NMT2: variants seen among roughly 807,000 people sequenced by gnomAD.
NMT2 encodes the protein glycylpeptide N-tetradecanoyltransferase 2.
Under a neutral mutation model 65.4 loss-of-function variants are expected in NMT2, and 35 were observed. That is an observed-to-expected ratio of 0.54 (90% CI 0.41 to 0.71). The LOEUF (loss-of-function observed/expected upper bound fraction) is 0.71. NMT2 is among the 30% of genes least tolerant of loss of function. NMT2 has a pLI of 0.00. For missense variants in NMT2, 489 were observed against 611.3 expected, an observed-to-expected ratio of 0.80 and a Z score of 2.11; for synonymous variants, 226 against 231.8, an observed-to-expected ratio of 0.98 and a Z score of 0.23.
rs1163470436 is a variant in NMT2 at position 15,106,012 on chromosome 10, C to T, written c.*3183G>A. On this transcript the variant is annotated 3_prime_UTR_variant, in exon 12 of 12. Transcript: ENST00000378165. ...ATGCTGCAGTTATTTATTTTACTTT[C>T]GAGATAGAGTCTCACTCTGTTGCCC... 20 of 417,528 alleles carry T rather than the reference C, an allele frequency of 4.8e-5. No homozygotes were observed. The highest frequency in any genetic ancestry group is 5.7e-5 in the Non-Finnish European group (12 of 212,334). The allele number at this position is 417,528 out of a possible 1,614,324, so 25.9% of individuals were successfully genotyped here. A position where few individuals can be genotyped will look rare whatever the true frequency, so the allele number is the denominator to read the frequency against.
chr10:15,130,351 A>G (rs1846235787), intron 6 of NMT2, 39 bp from the exon 7 acceptor site: 1 of 1,430,178 alleles, frequency 7.0e-7, no homozygotes, highest in Admixed American at 2.3e-5. Context: ...AGTCAAAACG[A>G]GATTCAAAAT....
intron 1 of NMT2, among the ~76,000 whole-genome samples, chr10:15,152,016 ACT>A (rs1832822882): frequency 6.6e-6 from 1 of 152,218 alleles, no homozygotes; most frequent in Admixed American, 6.5e-5. Context: ...ACAGAGTAAA[ACT>A]CTGTCTCAAA....
At chr10:15,119,766 G>T (rs533479282) in intron 8 of NMT2, among the ~76,000 whole-genome samples, 1 of 152,168 alleles carries the variant, frequency 6.6e-6, no homozygotes, top group Non-Finnish European at 1.5e-5. Flanking sequence ...ACAATGTGTT[G>T]TATCTTCCTA....
At chr10:15,114,610 T>A (rs11259496) in intron 9 of NMT2, among the ~76,000 whole-genome samples, 9,567 of 152,244 alleles carry the variant, frequency 0.063, 324 homozygotes, top group East Asian at 0.092. Flanking sequence ...GCTCTTCAGC[T>A]CATTCTAACT....
At chr10:15,125,786 C>G (rs1005080351) in intron 8 of NMT2, among the ~76,000 whole-genome samples, 3 of 152,104 alleles carry the variant, frequency 2.0e-5, no homozygotes, top group African/African-American at 7.2e-5. Context: ...CCTGCCTCAG[C>G]CTCCCTAGTA....
intron 1 of NMT2, among the ~76,000 whole-genome samples, chr10:15,164,741 G>A (rs867751680): frequency 4.1e-4 from 63 of 152,162 alleles, no homozygotes; most frequent in African/African-American, 1.4e-3. Flanking sequence ...AAGCTCCTAG[G>A]AAATTCATCC....
At chr10:15,133,760 A>AT (rs199582967) in intron 3 of NMT2, among the ~76,000 whole-genome samples, 6 of 151,632 alleles carry the variant, frequency 4.0e-5, no homozygotes, top group African/African-American at 7.3e-5. Flanking sequence ...CTAATTGTAA[A>AT]TTTTTTTTGT....
At chr10:15,128,546 A>G (rs1362626677) in intron 7 of NMT2, 88 bp from the exon 8 acceptor site, 4 of 787,734 alleles carry the variant, frequency 5.1e-6, no homozygotes, top group Non-Finnish European at 8.7e-6. Context: ...TTACATAAGC[A>G]TTTACTGAAT....
At chr10:15,149,973 T>G (rs1245247517) in intron 1 of NMT2, among the ~76,000 whole-genome samples, 1 of 152,184 alleles carries the variant, frequency 6.6e-6, no homozygotes, top group Non-Finnish European at 1.5e-5. Flanking sequence ...TCTTTGGACA[T>G]TTTTTATTCA....
chr10:15,161,081 CAAAAAAAAAAAAAAAAAA>C (rs750859200), intron 1 of NMT2, among the ~76,000 whole-genome samples: 3 of 19,274 alleles, frequency 1.6e-4, no homozygotes, highest in African/African-American at 3.5e-4. Flanking sequence ...CCTCAAAAAT[CAAAAAAAAAAAAAAAAAA>C]AAAAAAAAAA....
chr10:15,149,296 CCACCATCATCACCAT>C (rs1157902837), intron 1 of NMT2, among the ~76,000 whole-genome samples: 1 of 151,676 alleles, frequency 6.6e-6, no homozygotes, highest in Admixed American at 6.6e-5. Context: ...ACCATCACTG[CCACCATCATCACCAT>C]CACCATCATC....
chr10:15,152,535 G>C (rs976250518), intron 1 of NMT2, among the ~76,000 whole-genome samples: 1 of 152,098 alleles, frequency 6.6e-6, no homozygotes, highest in African/African-American at 2.4e-5. Flanking sequence ...AGAACCCTGG[G>C]GTCTGATGAG....
chr10:15,130,451 A>G, intron 6 of NMT2, 139 bp from the exon 7 acceptor site: 2 of 671,454 alleles, frequency 3.0e-6, no homozygotes, highest in Non-Finnish European at 2.3e-6. Flanking sequence ...TGTCGCCTGT[A>G]ATCTCAGCAC....
chr10:15,146,739 C>T (rs1846978268), intron 1 of NMT2, among the ~76,000 whole-genome samples: 1 of 152,094 alleles, frequency 6.6e-6, no homozygotes, highest in South Asian at 2.1e-4. Flanking sequence ...TTGTTCAATC[C>T]CATGTTAGGG....
At chr10:15,153,939 G>A (rs566115069) in intron 1 of NMT2, among the ~76,000 whole-genome samples, 11 of 152,200 alleles carry the variant, frequency 7.2e-5, no homozygotes, top group East Asian at 5.8e-4. Flanking sequence ...GGCGTGAGCC[G>A]CCGCACCTGG....
At chr10:15,135,162 T>C in intron 3 of NMT2, 112 bp downstream of exon 3, 2 of 1,075,312 alleles carry the variant, frequency 1.9e-6, no homozygotes, top group Middle Eastern at 2.0e-4. Context: ...ATGAAATAAA[T>C]GATACATGTG....
intron 1 of NMT2, among the ~76,000 whole-genome samples, chr10:15,149,841 G>C (rs1832743278): frequency 6.6e-6 from 1 of 152,178 alleles, no homozygotes; most frequent in East Asian, 1.9e-4. Context: ...AGACAGCCTG[G>C]CTCCAAAATC....
intron 1 of NMT2, among the ~76,000 whole-genome samples, chr10:15,158,296 A>ACGCCACTGCACTC (rs1296892676): frequency 1.3e-5 from 2 of 151,420 alleles, no homozygotes; most frequent in Admixed American, 1.3e-4. Context: ...AGCCTGGGTA[A>ACGCCACTGCACTC]CAGAGAGATA....
chr10:15,131,161 G>A (rs1055497944), intron 6 of NMT2, among the ~76,000 whole-genome samples: 13 of 151,952 alleles, frequency 8.6e-5, no homozygotes, highest in African/African-American at 2.7e-4. Context: ...AAATTCAGAC[G>A]GAAACACTAT....
Sources: gnomAD v4.1 joint callset for allele counts (sites outside exome capture counted in the v4.1 genomes callset) on GRCh38, gnomAD v4.1.1 for gene constraint, MANE v1.5 for transcripts, NCBI Gene and HGNC (gene_info 2026-07-23, HGNC 2026-07-21) for gene names.